Variants in CACNA1H observed in about 807,000 individuals in gnomAD.
CACNA1H encodes the protein calcium voltage-gated channel subunit alpha1 H, also known as voltage-dependent T-type calcium channel subunit alpha-1H.
CACNA1H carries 149 observed loss-of-function variants against 192.5 expected under a neutral mutation model. The ratio of observed to expected loss-of-function variants is 0.77; its 90% CI spans 0.68 to 0.89. The LOEUF (loss-of-function observed/expected upper bound fraction) is 0.89. Ranked by LOEUF, CACNA1H falls within the 40% of genes least tolerant of loss-of-function variation. The pLI, the probability that CACNA1H is intolerant of heterozygous loss-of-function variation, is 0.00. For synonymous variants in CACNA1H, 2,202 were observed against 1,475.2 expected, an observed-to-expected ratio of 1.49 and a Z score of -11.29; for missense variants, 4,257 against 3,423.5, an observed-to-expected ratio of 1.24 and a Z score of -6.08.
rs562145262 is a variant in CACNA1H, at chr16:1,166,153, A to G, written c.299+12117A>G. Among the ~76,000 whole-genome samples the G allele has an allele frequency of 1.3e-3, 194 of 152,318 alleles. 1 individual carries two copies. The highest frequency in any genetic ancestry group is 5.8e-3 in the East Asian group (30 of 5,172). On this transcript the variant is annotated intron_variant, in intron 2 of 34. Transcript: ENST00000348261. ...GGTGAGGCCTGGGGAAGGGGCAGGC[A>G]GGCCTGAGAGGACAGTGGGTGTTGG...
chr16:1,183,733 G>A (rs1005695354), intron 2 of CACNA1H, among the ~76,000 whole-genome samples: 3 of 152,244 alleles, frequency 2.0e-5, no homozygotes, highest in East Asian at 1.9e-4. Context: ...GCTGGGGGGC[G>A]GCCCTGGGGG....
rs57329732 is a variant in CACNA1H at position 1,201,997 on chromosome 16, A to G, written c.1547A>G (p.His516Arg). The G allele has an allele frequency of 3.9e-6, 6 of 1,539,180 alleles. No homozygotes were observed. The highest frequency in any genetic ancestry group is 5.2e-6 in the Non-Finnish European group (6 of 1,143,626). The change falls in exon 9 of 35, where the codon CAC becomes CGC. Residue 516 changes from histidine (H) to arginine (R), a missense_variant. By Grantham distance (29) the His-to-Arg change is conservative. Coordinates refer to ENST00000348261, the MANE Select transcript of CACNA1H (RefSeq NM_021098.3). ...RAGRHTASVH[H>R]LVYHHHHHHH... ...GGCAGGCACACAGCCTCGGTGCACC[A>G]CCTGGTCTACCACCACCATCACCAC...
In CACNA1H at chr16:1,221,310, G is replaced by C; in HGVS notation, c.*316G>C. 2.5e-6 allele frequency: 1 copy of C among 402,094 alleles called. No homozygotes were observed. The highest frequency in any genetic ancestry group is 4.4e-6 in the Non-Finnish European group (1 of 226,418). The allele number at this position is 402,094 out of a possible 1,614,324, so 24.9% of individuals were successfully genotyped here. ...GGACGAAGACCGGGCACCCGCCAGAGAGGGGAAGGTACCAGGTTGCGTCCT... is the reference window on the plus strand; with the variant it reads ...GGACGAAGACCGGGCACCCGCCAGACAGGGGAAGGTACCAGGTTGCGTCCT... On this transcript the variant is annotated 3_prime_UTR_variant, in exon 35 of 35. Transcript: ENST00000348261.
At chr16:1,188,915 T>C (rs1966330427) in intron 2 of CACNA1H, among the ~76,000 whole-genome samples, 1 of 152,192 alleles carries the variant, frequency 6.6e-6, no homozygotes, top group Admixed American at 6.5e-5. Context: ...CTGCCCGCCC[T>C]GCGTCCACAC....
chr16:1,198,239 G>A (rs905294677), intron 5 of CACNA1H, among the ~76,000 whole-genome samples: 2 of 152,112 alleles, frequency 1.3e-5, no homozygotes, highest in African/African-American at 4.8e-5. Flanking sequence ...GAGATGCCAC[G>A]TGGTCAGACC....
chr16:1,177,635 C>T (rs538040746), intron 2 of CACNA1H, among the ~76,000 whole-genome samples: 32 of 151,736 alleles, frequency 2.1e-4, no homozygotes, highest in African/African-American at 6.5e-4. Context: ...ATTCTGAGGA[C>T]GTGGTGGCCG....
chr16:1,206,909 T>TCCCCCCCCCCCCCCCCCCCCCCC, intron 12 of CACNA1H, 92 bp from the exon 13 acceptor site: 3 of 116,610 alleles, frequency 2.6e-5, no homozygotes, highest in Non-Finnish European at 4.9e-5. Flanking sequence ...GTCCTGCCCC[T>TCCCCCCCCCCCCCCCCCCCCCCC]CCCTCCTCCC....
At chr16:1,195,221 C>T in intron 3 of CACNA1H, 138 bp downstream of exon 3, 1 of 866,676 alleles carries the variant, frequency 1.2e-6, no homozygotes, top group South Asian at 1.7e-5. Flanking sequence ...GGGCGAGGTT[C>T]ACGGCGGGGC....
intron 11 of CACNA1H, among the ~76,000 whole-genome samples, chr16:1,205,604 A>G (rs528002284): frequency 9.5e-4 from 144 of 152,366 alleles, no homozygotes; most frequent in African/African-American, 3.3e-3. Context: ...AGACCAGCTT[A>G]AAAGGCTGAA....
chr16:1,178,048 C>T (rs1965076361), intron 2 of CACNA1H, among the ~76,000 whole-genome samples: 1 of 94,778 alleles, frequency 1.1e-5, no homozygotes, highest in Non-Finnish European at 2.1e-5. Flanking sequence ...TGGTCCCTCC[C>T]CCACCCCGGA....
chr16:1,202,358 G>A lies in CACNA1H; in HGVS notation c.1908G>A (p.Trp636Ter). 6.4e-7 allele frequency: 1 copy of A among 1,565,676 alleles called. No individual in the cohort carries two copies. The highest frequency in any genetic ancestry group is 8.6e-7 in the Non-Finnish European group (1 of 1,157,350). ...GSTSPGPKGK[W>*]AGGPPGTGGH... ...CCAGCCCCGGACCCAAGGGGAAGTG[G>A]GCCGGTGGACCGCCAGGCACCGGGG... The change falls in exon 9 of 35, where the codon TGG becomes TGA. Residue 636 changes from tryptophan to a stop codon, truncating the protein, a stop_gained. Transcript: ENST00000348261. LOFTEE classifies it high-confidence loss of function.
chr16:1,194,741 C>T (rs546776412), intron 2 of CACNA1H, among the ~76,000 whole-genome samples: 3 of 152,190 alleles, frequency 2.0e-5, no homozygotes, highest in South Asian at 2.1e-4. Flanking sequence ...GCCAGGGGGC[C>T]GGGCCTGGGA....
Position 1,153,784 on chromosome 16 carries a change from G to A in CACNA1H, c.47G>A (p.Gly16Asp). ...RAADEVRVPL[G>D]APPPGPAALV... ...GCCGACGAGGTCCGGGTGCCCCTGG[G>A]CGCGCCGCCCCCTGGCCCTGCGGCG... Residue 16 changes from glycine to aspartate, a missense_variant, in exon 2 of 35, where the codon GGC becomes GAC. Transcript: ENST00000348261. 1 of 1,227,800 alleles carries A rather than the reference G, an allele frequency of 8.1e-7. No individual in the cohort carries two copies. The highest frequency in any genetic ancestry group is 1.0e-6 in the Non-Finnish European group (1 of 985,154). 76.1% of individuals were successfully genotyped at this position (1,227,800 alleles called of 1,614,324 possible). A position where few individuals can be genotyped will look rare whatever the true frequency, so the allele number is the denominator to read the frequency against.
At chr16:1,216,908 C>T (rs745899972) in intron 30 of CACNA1H, 24 bp from the exon 31 acceptor site, 6 of 1,586,322 alleles carry the variant, frequency 3.8e-6, no homozygotes, top group South Asian at 3.4e-5. Context: ...CCGTCTGACC[C>T]AGCTCTGCTT....
chr16:1,201,484 G>A (rs1398336434), intron 8 of CACNA1H, among the ~76,000 whole-genome samples, 179 bp from the exon 9 acceptor site: 2 of 152,150 alleles, frequency 1.3e-5, no homozygotes, highest in Admixed American at 6.5e-5. Flanking sequence ...ACTGTATGCC[G>A]TCTGCTCCAG....
At chr16:1,196,792 C>T (rs765025200) in intron 5 of CACNA1H, among the ~76,000 whole-genome samples, 3 of 152,082 alleles carry the variant, frequency 2.0e-5, no homozygotes, top group South Asian at 2.1e-4. Context: ...CTGTCAAATC[C>T]GGGCCACCCA....
chr16:1,176,426 A>C (rs941794655), intron 2 of CACNA1H, among the ~76,000 whole-genome samples: 1 of 152,184 alleles, frequency 6.6e-6, no homozygotes, highest in African/African-American at 2.4e-5. Flanking sequence ...TACTCTCGGC[A>C]GCACCAGGGT....
At chr16:1,207,718 G>C in intron 14 of CACNA1H, 52 bp from the exon 15 acceptor site, 1 of 1,468,672 alleles carries the variant, frequency 6.8e-7, no homozygotes, top group South Asian at 1.2e-5. Flanking sequence ...CGGCATGAAG[G>C]GTCCCCACTC....
At chr16:1,200,631 C>T (rs2141245219) in intron 7 of CACNA1H, 60 bp downstream of exon 7, 8 of 1,597,166 alleles carry the variant, frequency 5.0e-6, no homozygotes, top group East Asian at 2.2e-5. Context: ...GGGTGCAGGA[C>T]TCGCCCCCCC....
Sources: allele counts gnomAD v4.1 joint callset (sites outside exome capture counted in the v4.1 genomes callset), GRCh38; gene constraint gnomAD v4.1.1; transcripts MANE v1.5; gene names NCBI Gene and HGNC (gene_info 2026-07-23, HGNC 2026-07-21).